The following UTP20 variants were observed in gnomAD, a reference collection of about 807,000 sequenced individuals.
The protein encoded by UTP20 is small subunit processome component 20 homolog.
In UTP20, 164 loss-of-function variants were observed where a neutral mutation model predicts 329.5. The ratio of observed to expected loss-of-function variants is 0.50; its 90% CI spans 0.44 to 0.57. UTP20 has a LOEUF of 0.57. Ranked by LOEUF, UTP20 falls within the 20% of genes least tolerant of loss-of-function variation. The probability of loss-of-function intolerance (pLI) is 0.00; values close to 1 mark genes in which losing one functional copy is unlikely to be tolerated. For missense variants in UTP20, 3,055 were observed against 3,284.2 expected (o/e 0.93, Z 1.71); for synonymous variants, 1,151 against 1,159.3 (o/e 0.99, Z 0.14).
intron 13 of UTP20, 27 bp from the exon 14 acceptor site, chr12:101,299,945 CT>C: frequency 6.2e-7 from 1 of 1,612,828 alleles, no homozygotes; most frequent in Non-Finnish European, 8.5e-7. Context: ...CCAGTTTGAA[CT>C]TTTCCCTTTT....
chr12:101,375,284 G>A (rs1356674942), intron 55 of UTP20, among the ~76,000 whole-genome samples: 1 of 152,048 alleles, frequency 6.6e-6, no homozygotes, highest in Non-Finnish European at 1.5e-5. Flanking sequence ...GGGGTTGGGG[G>A]ATTCAAGTTA....
chr12:101,287,624 T>G (rs1381508807), intron 5 of UTP20, among the ~76,000 whole-genome samples: 1 of 152,210 alleles, frequency 6.6e-6, no homozygotes, highest in Non-Finnish European at 1.5e-5. Context: ...CCAGGCCCTG[T>G]TTGGTTGCCC....
At chr12:101,331,500 T>A (rs79679103) in intron 27 of UTP20, among the ~76,000 whole-genome samples, 19,309 of 152,226 alleles carry the variant, frequency 0.13, 1,415 homozygotes, top group Middle Eastern at 0.23. Flanking sequence ...CCTTTGTAAC[T>A]TGTATAAGAT....
intron 17 of UTP20, 71 bp downstream of exon 17, chr12:101,306,832 G>A: frequency 7.1e-7 from 1 of 1,400,054 alleles, no homozygotes; most frequent in Non-Finnish European, 9.7e-7. Flanking sequence ...TTTCCAAAAT[G>A]ATACCTTTGC....
intron 40 of UTP20, 126 bp from the exon 41 acceptor site, chr12:101,354,706 C>A: frequency 1.0e-6 from 1 of 995,404 alleles, no homozygotes; most frequent in Non-Finnish European, 1.5e-6. Flanking sequence ...ACTTACCTTG[C>A]CTGCCCACAG....
At chr12:101,334,843 G>A (rs576378278) in intron 29 of UTP20, among the ~76,000 whole-genome samples, 5 of 152,124 alleles carry the variant, frequency 3.3e-5, no homozygotes, top group South Asian at 2.1e-4. Flanking sequence ...GGCATGTGGC[G>A]CATGCCTTTA....
Position 101,329,383 on chromosome 12 carries a change from G to A in UTP20, c.3351G>A (p.Pro1117=), listed in dbSNP as rs768945767. The part of the protein sequence containing the change: ...NISHLISAYL[P]KILQILLCMT... Reference sequence around the variant, plus strand: ...GTCATCTGATCAGCGCATACCTGCCGAAGATTTTGCAGATACTGCTCTGTA... The same window carrying A: ...GTCATCTGATCAGCGCATACCTGCCAAAGATTTTGCAGATACTGCTCTGTA... The change falls in exon 27 of 62, where the codon CCG becomes CCA. Residue 1117 remains proline, a synonymous_variant. Transcript: ENST00000261637. 3.1e-5 allele frequency: 50 copies of A among 1,613,930 alleles called. No individual in the cohort carries two copies. In the South Asian group the frequency reaches 4.3e-4, roughly 14 times the overall value.
intron 22 of UTP20, 106 bp downstream of exon 22, chr12:101,317,769 G>A (rs569565958): frequency 2.7e-4 from 330 of 1,216,414 alleles, no homozygotes; most frequent in Non-Finnish European, 3.3e-4. Flanking sequence ...AATTATTTAC[G>A]TAAGCGCTAC....
At chr12:101,357,471 C>T (rs1401926841) in intron 43 of UTP20, among the ~76,000 whole-genome samples, 1 of 152,154 alleles carries the variant, frequency 6.6e-6, no homozygotes, top group Admixed American at 6.5e-5. Context: ...AAATAAGGGG[C>T]TGGGTGCAGT....
At chr12:101,372,183 G>A (rs776270179) in intron 51 of UTP20, among the ~76,000 whole-genome samples, 61 of 152,170 alleles carry the variant, frequency 4.0e-4, no homozygotes, top group Admixed American at 7.9e-4. Flanking sequence ...CCATTTTACC[G>A]CGAGGGAAAG....
chr12:101,369,957 T>C, intron 49 of UTP20, 66 bp downstream of exon 49: 1 of 1,505,544 alleles, frequency 6.6e-7, no homozygotes, highest in Non-Finnish European at 9.0e-7. Flanking sequence ...CTCGTACCTA[T>C]AATCCCAGCA....
intron 29 of UTP20, among the ~76,000 whole-genome samples, chr12:101,337,313 T>C (rs1340032454): frequency 1.3e-5 from 2 of 152,236 alleles, no homozygotes; most frequent in African/African-American, 4.8e-5. Context: ...GCTCTTTTGT[T>C]TTTTTTCCAG....
intron 38 of UTP20, among the ~76,000 whole-genome samples, chr12:101,348,150 A>G (rs1341959386): frequency 6.6e-6 from 1 of 152,288 alleles, no homozygotes; most frequent in East Asian, 1.9e-4. Flanking sequence ...TTCTAGCCTT[A>G]TATTTTTAAC....
chr12:101,312,011 G>C, intron 20 of UTP20, 25 bp from the exon 21 acceptor site: 1 of 1,613,734 alleles, frequency 6.2e-7, no homozygotes, highest in Non-Finnish European at 8.5e-7. Context: ...TTGTCTGGTG[G>C]TTATGACAAC....
At chr12:101,320,560 A>C (rs1454143273) in intron 23 of UTP20, among the ~76,000 whole-genome samples, 1 of 152,082 alleles carries the variant, frequency 6.6e-6, no homozygotes, top group African/African-American at 2.4e-5. Context: ...TGTTTGAAAA[A>C]AAAAAGAGAA....
chr12:101,353,678 T>C (rs1428745154), intron 40 of UTP20, among the ~76,000 whole-genome samples: 1 of 152,116 alleles, frequency 6.6e-6, no homozygotes, highest in Non-Finnish European at 1.5e-5. Context: ...CCTTCTGGCT[T>C]GGGTGACAGA....
Position 101,291,799 on chromosome 12 carries a change from G to T in UTP20, c.949G>T (p.Glu317Ter). 6.2e-7 allele frequency: 1 copy of T among 1,612,836 alleles called. No homozygotes were observed. Among genetic ancestry groups the T allele is most frequent in the South Asian group, 1.1e-5 (1 of 90,582 alleles). The part of the protein sequence containing the change: ...VTKTNCCESS[E>*]QIKRLLETYL... ...AAAAACTAACTGTTGTGAAAGTTCT[G>T]AACAGATTAAAAGGTTGTTGGAAAC... Residue 317 changes from glutamate (E) to a stop codon, truncating the protein, a stop_gained, in exon 9 of 62, where the codon GAA becomes TAA. Transcript: ENST00000261637. LOFTEE classifies it high-confidence loss of function.
At chr12:101,332,935 T>TA (rs1868808071) in intron 27 of UTP20, among the ~76,000 whole-genome samples, 1 of 152,116 alleles carries the variant, frequency 6.6e-6, no homozygotes, top group African/African-American at 2.4e-5. Flanking sequence ...AAAAAAATTT[T>TA]AAAAAAAAGT....
At chr12:101,299,082 C>T (rs1035299680) in intron 12 of UTP20, among the ~76,000 whole-genome samples, 3 of 151,732 alleles carry the variant, frequency 2.0e-5, no homozygotes, top group African/African-American at 4.8e-5. Context: ...CAAATAGGAC[C>T]GAGGTGTAGT....
Sources: allele counts gnomAD v4.1 joint callset (sites outside exome capture counted in the v4.1 genomes callset), GRCh38; gene constraint gnomAD v4.1.1; transcripts MANE v1.5; gene names NCBI Gene and HGNC (gene_info 2026-07-23, HGNC 2026-07-21).